Variants in SGK3 observed in about 807,000 individuals in gnomAD.
SGK3 encodes the protein serum/glucocorticoid regulated kinase family member 3.
A neutral mutation model predicts 68.5 loss-of-function variants in SGK3; 47 were observed. The observed-to-expected ratio is 0.69, with a 90% CI of 0.54 to 0.87. The LOEUF is 0.87. Ranked by LOEUF, SGK3 falls within the 40% of genes least tolerant of loss-of-function variation. The pLI is 0.00. For synonymous variants in SGK3, 181 were observed against 189.1 expected (o/e 0.96, Z 0.35); for missense variants, 479 against 575.5 (o/e 0.83, Z 1.72).
chr8:66,739,198 G>T (rs1805411435), intron 1 of SGK3, among the ~76,000 whole-genome samples: 1 of 152,136 alleles, frequency 6.6e-6, no homozygotes, highest in African/African-American at 2.4e-5. Flanking sequence ...GCTGGATTCT[G>T]ACAAGAGTTT....
chr8:66,856,998 C>T (rs1450518453), intron 16 of SGK3, among the ~76,000 whole-genome samples: 5 of 151,964 alleles, frequency 3.3e-5, no homozygotes, highest in Non-Finnish European at 4.4e-5. Context: ...AAGTCTGAGG[C>T]ACAAGAATTG....
intron 15 of SGK3, among the ~76,000 whole-genome samples, chr8:66,847,560 T>C (rs563773768): frequency 1.2e-4 from 19 of 152,342 alleles, no homozygotes; most frequent in Non-Finnish European, 2.4e-4. Context: ...ACTTTTGCCC[T>C]ATCCACCACA....
At position 66,758,743 on chromosome 8, in the gene SGK3, C is replaced by T. The variant is rs542151762; in HGVS notation, c.-121-34873C>T. Among the ~76,000 whole-genome samples the T allele has an allele frequency of 1.1e-4, 17 of 151,938 alleles. No individual in the cohort carries two copies. In the South Asian group the frequency reaches 2.5e-3, roughly 22 times the overall value. On this transcript the variant is annotated intron_variant, in intron 1 of 16. Transcript: ENST00000521198. Reference sequence around the variant, plus strand: ...ATTGTCCAGGCTGGTCTCAAACTCCCGGGCTCAAGCAGTCCTCCTGCCTCA... The same window carrying T: ...ATTGTCCAGGCTGGTCTCAAACTCCTGGGCTCAAGCAGTCCTCCTGCCTCA...
intron 13 of SGK3, 133 bp downstream of exon 13, chr8:66,841,243 A>T: frequency 1.5e-6 from 1 of 650,038 alleles, no homozygotes; most frequent in Non-Finnish European, 2.3e-6. Flanking sequence ...CCAGCTGGAA[A>T]TACCTGATAA....
chr8:66,759,988 T>C (rs987492413), intron 1 of SGK3, among the ~76,000 whole-genome samples: 2 of 152,212 alleles, frequency 1.3e-5, no homozygotes, highest in African/African-American at 4.8e-5. Context: ...CACCATTCAA[T>C]CTACTACAAC....
chr8:66,725,288 C>T (rs1223336846), intron 1 of SGK3, among the ~76,000 whole-genome samples: 1 of 151,872 alleles, frequency 6.6e-6, no homozygotes, highest in African/African-American at 2.4e-5. Flanking sequence ...GTAATCCCAG[C>T]TACTTGGGAG....
In SGK3 at chr8:66,859,436, T is replaced by C; in HGVS notation, c.1346T>C (p.Phe449Ser). Residue 449 changes from phenylalanine to serine, a missense_variant, in exon 17 of 17, where the codon TTT becomes TCT. Physicochemically the swap from Phe to Ser is radical, Grantham distance 155. This residue lies in a region of SGK3 where 173 missense variants were observed against 214.3 expected (regional missense o/e 0.81). Coordinates refer to ENST00000521198, the MANE Select transcript of SGK3 (RefSeq NM_001033578.3). ...NVAGPDDIRNFDTAFTEETVP... is the reference protein window; with the variant it reads ...NVAGPDDIRNSDTAFTEETVP... Reference sequence around the variant, plus strand: ...GCTGGACCAGATGATATCAGAAACTTTGACACAGCATTTACAGAAGAAACA... The same window carrying C: ...GCTGGACCAGATGATATCAGAAACTCTGACACAGCATTTACAGAAGAAACA... 6.2e-7 allele frequency: 1 copy of C among 1,609,528 alleles called. No individual in the cohort carries two copies. Among genetic ancestry groups the C allele is most frequent in the East Asian group, 2.2e-5 (1 of 44,844 alleles).
chr8:66,831,144 A>T, intron 7 of SGK3, 110 bp from the exon 8 acceptor site: 1 of 1,273,272 alleles, frequency 7.9e-7, no homozygotes, highest in Non-Finnish European at 1.1e-6. Context: ...AATAGGCTGA[A>T]GTGTTTTGTG....
intron 1 of SGK3, among the ~76,000 whole-genome samples, chr8:66,791,204 G>A (rs1418684762): frequency 1.1e-4 from 17 of 152,186 alleles, no homozygotes; most frequent in Non-Finnish European, 1.5e-5. Flanking sequence ...GGGACCAGGG[G>A]AACAAATACC....
At chr8:66,841,246 C>G in intron 13 of SGK3, 136 bp downstream of exon 13, 5 of 645,112 alleles carry the variant, frequency 7.8e-6, no homozygotes, top group Non-Finnish European at 9.4e-6. Flanking sequence ...GCTGGAAATA[C>G]CTGATAATCA....
intron 14 of SGK3, 139 bp downstream of exon 14, chr8:66,843,686 C>T (rs1357286698): frequency 2.6e-6 from 2 of 766,318 alleles, no homozygotes; most frequent in Non-Finnish European, 4.0e-6. Flanking sequence ...GAACCCAAAC[C>T]CACATTAGGA....
chr8:66,843,595 A>G, intron 14 of SGK3, 48 bp downstream of exon 14: 1 of 1,566,056 alleles, frequency 6.4e-7, no homozygotes. Flanking sequence ...CATTGATTTG[A>G]TTGTCTGTCT....
chr8:66,821,605 C>T (rs187355728), intron 5 of SGK3, among the ~76,000 whole-genome samples: 5,798 of 151,588 alleles, frequency 0.038, 154 homozygotes, highest in Middle Eastern at 0.088. Context: ...CTCCGCCTCC[C>T]GGGCTCACAC....
At chr8:66,859,268 G>A in intron 16 of SGK3, 143 bp from the exon 17 acceptor site, 1 of 987,626 alleles carries the variant, frequency 1.0e-6, no homozygotes, top group Non-Finnish European at 1.4e-6. Flanking sequence ...AGGAGGCGGA[G>A]GTTGCAGTGA....
intron 2 of SGK3, among the ~76,000 whole-genome samples, chr8:66,797,808 G>T (rs1400414010): frequency 1.3e-5 from 2 of 152,120 alleles, no homozygotes. Context: ...GGCAACAGTT[G>T]AATCTATCGT....
intron 1 of SGK3, among the ~76,000 whole-genome samples, chr8:66,781,043 G>T (rs979321613): frequency 6.6e-6 from 1 of 152,126 alleles, no homozygotes; most frequent in South Asian, 2.1e-4. Flanking sequence ...CAGCTTGACC[G>T]CAGGCCCCAT....
intron 1 of SGK3, among the ~76,000 whole-genome samples, chr8:66,788,160 A>G (rs1192032159): frequency 6.6e-6 from 1 of 152,210 alleles, no homozygotes; most frequent in East Asian, 1.9e-4. Context: ...AAGGAGGAAC[A>G]AGCAGTAGGG....
chr8:66,793,703 G>A lies in SGK3; in HGVS notation c.-34G>A, dbSNP rs747879410. 4.7e-5 allele frequency: 75 copies of A among 1,597,322 alleles called. No homozygotes were observed. The Admixed American group carries it at 9.7e-4, about 21-fold the overall frequency. Reference sequence around the variant, plus strand: ...TTTGTCCTCTGCTGACTGTTTCTTCGGATGCATTTTTTGGTGTGCTCTTGA... The same window carrying A: ...TTTGTCCTCTGCTGACTGTTTCTTCAGATGCATTTTTTGGTGTGCTCTTGA... On this transcript the variant is annotated 5_prime_UTR_variant, in exon 2 of 17. Coordinates refer to ENST00000521198, the MANE Select transcript of SGK3 (RefSeq NM_001033578.3).
chr8:66,855,245 A>C (rs944573554), intron 16 of SGK3, among the ~76,000 whole-genome samples: 9 of 152,136 alleles, frequency 5.9e-5, no homozygotes, highest in South Asian at 2.1e-4. Context: ...TTCTGTCGCC[A>C]AGGCTGGAGT....
Sources: gnomAD v4.1 joint callset for allele counts (sites outside exome capture counted in the v4.1 genomes callset) on GRCh38, gnomAD v4.1.1 for gene constraint, gnomAD v4.1.1 regional missense constraint, MANE v1.5 for transcripts, NCBI Gene and HGNC (gene_info 2026-07-23, HGNC 2026-07-21) for gene names.